Variants in C12orf54 observed in about 807,000 individuals in gnomAD.
The protein encoded by C12orf54 is uncharacterized protein C12orf54.
In C12orf54, 24 loss-of-function variants were observed where a neutral mutation model predicts 26.4. The ratio of observed to expected loss-of-function variants is 0.91; its 90% CI spans 0.66 to 1.28. C12orf54 has a LOEUF of 1.28. C12orf54 is among the 50% of genes most tolerant of loss of function. The pLI is 0.00. For synonymous variants in C12orf54, 54 were observed against 47.0 expected, an observed-to-expected ratio of 1.15 and a Z score of -0.61; for missense variants, 154 against 150.9, an observed-to-expected ratio of 1.02 and a Z score of -0.11.
At chr12:48,458,286 T>C in the C12orf54 span, among the ~76,000 whole-genome samples, 1 of 152,206 alleles carries the variant, frequency 6.6e-6, no homozygotes, top group Non-Finnish European at 1.5e-5. Flanking sequence ...TAGAGAATAT[T>C]TGTTGATTGG....
chr12:48,485,635 T>G (rs1024876544), intron 2 of C12orf54, among the ~76,000 whole-genome samples: 1 of 152,190 alleles, frequency 6.6e-6, no homozygotes, highest in Non-Finnish European at 1.5e-5. Context: ...ACTTTGGCAC[T>G]GATTTAGGAA....
chr12:48,483,816 C>T (rs1017262928), intron 2 of C12orf54, among the ~76,000 whole-genome samples: 2 of 152,158 alleles, frequency 1.3e-5, no homozygotes, highest in African/African-American at 4.8e-5. Context: ...TTACTGTGAA[C>T]TTATGGGTCA....
At chr12:48,444,990 G>A in the C12orf54 span, among the ~76,000 whole-genome samples, 1 of 152,184 alleles carries the variant, frequency 6.6e-6, no homozygotes, top group African/African-American at 2.4e-5. Flanking sequence ...GGCTAACACA[G>A]TGAAACCCTG....
the C12orf54 span, among the ~76,000 whole-genome samples, chr12:48,450,935 A>T: frequency 6.6e-6 from 1 of 152,098 alleles, no homozygotes; most frequent in African/African-American, 2.4e-5. Context: ...TAAAACTATT[A>T]CAAAAAATGG....
the C12orf54 span, among the ~76,000 whole-genome samples, chr12:48,471,297 G>A: frequency 2.6e-5 from 4 of 152,074 alleles, no homozygotes; most frequent in African/African-American, 4.8e-5. Flanking sequence ...TATGGCTGAC[G>A]AGTACTCCAT....
chr12:48,477,500 C>T (rs925546243), upstream of C12orf54, among the ~76,000 whole-genome samples: 2 of 151,988 alleles, frequency 1.3e-5, no homozygotes, highest in Admixed American at 1.3e-4. Flanking sequence ...AGACCTCTAG[C>T]AAGACTAATA....
the C12orf54 span, among the ~76,000 whole-genome samples, chr12:48,443,107 A>G: frequency 1.3e-5 from 2 of 152,136 alleles, no homozygotes; most frequent in African/African-American, 2.4e-5. Context: ...CTGTCCCTAT[A>G]TTTCCTAAAC....
the C12orf54 span, among the ~76,000 whole-genome samples, chr12:48,447,649 G>T: frequency 6.6e-6 from 1 of 151,914 alleles, no homozygotes; most frequent in Non-Finnish European, 1.5e-5. Context: ...ATGGTTTCTC[G>T]TGTAGCTTCT....
the C12orf54 span, among the ~76,000 whole-genome samples, chr12:48,444,458 A>G: frequency 6.6e-6 from 1 of 152,178 alleles, no homozygotes; most frequent in African/African-American, 2.4e-5. Flanking sequence ...TCGTGGGGGG[A>G]ATTTCTCCTT....
At chr12:48,464,643 G>C in the C12orf54 span, among the ~76,000 whole-genome samples, 3 of 152,086 alleles carry the variant, frequency 2.0e-5, no homozygotes, top group African/African-American at 7.2e-5. Context: ...TAAAGCTGGA[G>C]GCATCACATT....
At chr12:48,452,283 C>G in the C12orf54 span, among the ~76,000 whole-genome samples, 1 of 151,960 alleles carries the variant, frequency 6.6e-6, no homozygotes, top group South Asian at 2.1e-4. Context: ...CCTAGCCATA[C>G]GCAGATAGTT....
chr12:48,488,481 C>CAA (rs551426749), intron 4 of C12orf54: 770 of 203,464 alleles, frequency 3.8e-3, no homozygotes, highest in East Asian at 0.011. Flanking sequence ...AACTTACAGC[C>CAA]AAAAAAAAAA....
the C12orf54 span, among the ~76,000 whole-genome samples, chr12:48,429,328 C>A: frequency 6.6e-6 from 1 of 152,040 alleles, no homozygotes; most frequent in Non-Finnish European, 1.5e-5. Context: ...AGCAATCAGA[C>A]AAGAGAAAGA....
chr12:48,480,186 TG>T (rs1413084588), upstream of C12orf54, among the ~76,000 whole-genome samples: 3 of 152,182 alleles, frequency 2.0e-5, no homozygotes, highest in Non-Finnish European at 4.4e-5. Context: ...GTGTTTTGTT[TG>T]TTGTATTGTA....
At chr12:48,461,932 A>G in the C12orf54 span, among the ~76,000 whole-genome samples, 6 of 151,716 alleles carry the variant, frequency 4.0e-5, no homozygotes, top group Non-Finnish European at 8.9e-5. Context: ...AGTGAAATCA[A>G]AAGCTGATCC....
At chr12:48,437,237 T>G in the C12orf54 span, among the ~76,000 whole-genome samples, 4 of 152,116 alleles carry the variant, frequency 2.6e-5, no homozygotes, top group East Asian at 7.7e-4. Context: ...AATAACAGGC[T>G]CTGAAATTGA....
At chr12:48,445,617 G>C in the C12orf54 span, among the ~76,000 whole-genome samples, 1 of 152,120 alleles carries the variant, frequency 6.6e-6, no homozygotes, top group Non-Finnish European at 1.5e-5. Context: ...CTGGCATAAT[G>C]CGGGCTTTCA....
rs369601605 is a variant in C12orf54 at position 48,490,834 on chromosome 12, G to A, written c.191G>A (p.Arg64Gln). 52 of 1,613,322 alleles carry A rather than the reference G, an allele frequency of 3.2e-5. No homozygotes were observed. Among genetic ancestry groups the A allele is most frequent in the Non-Finnish European group, 4.2e-5 (50 of 1,179,448 alleles). Residue 64 changes from arginine to glutamine, a missense_variant and splice_region_variant, in exon 6 of 9, where the codon CGA (arginine) becomes CAA (glutamine). Arg to Gln is a conservative substitution (Grantham distance 43). Transcript: ENST00000548364. ...CAGCTGCAGGAAGATGCTCGGATTC[G>A]AGGTAAAACAGCACCATTCCAAGGT... ...QKELQEDARI[R>Q]GMSNCSMTPM...
At chr12:48,475,408 G>A in the C12orf54 span, among the ~76,000 whole-genome samples, 10 of 152,210 alleles carry the variant, frequency 6.6e-5, no homozygotes, top group African/African-American at 2.2e-4. Context: ...TGACTTTGAC[G>A]AGTTGAGAGA....
Sources: gnomAD v4.1 joint callset for allele counts (sites outside exome capture counted in the v4.1 genomes callset) on GRCh38, gnomAD v4.1.1 for gene constraint, MANE v1.5 for transcripts, NCBI Gene and HGNC (gene_info 2026-07-23, HGNC 2026-07-21) for gene names.